The following OR4D2 variants were observed in gnomAD, a reference collection of about 807,000 sequenced individuals.
OR4D2 encodes olfactory receptor 4D2.
Under a neutral mutation model 12.4 loss-of-function variants are expected in OR4D2, and 9 were observed. The ratio of observed to expected loss-of-function variants is 0.73; its 90% CI spans 0.44 to 1.27. OR4D2 has a LOEUF of 1.27. Among genes scored for constraint, OR4D2 ranks in the 50% most tolerant of loss-of-function variants. The pLI, the probability that OR4D2 is intolerant of heterozygous loss-of-function variation, is 0.00. For synonymous variants in OR4D2, 151 were observed against 151.1 expected, an observed-to-expected ratio of 1.00 and a Z score of 0.01; for missense variants, 373 against 381.6, an observed-to-expected ratio of 0.98 and a Z score of 0.19.
chr17:58,167,311 TGGG>T (rs962593416), intron 1 of OR4D2, among the ~76,000 whole-genome samples: 1 of 151,952 alleles, frequency 6.6e-6, no homozygotes, highest in African/African-American at 2.4e-5. Context: ...ATGAGAGAAA[TGGG>T]GGGAGGAGTC....
In OR4D2 at chr17:58,169,489, A is replaced by C; in HGVS notation, c.-18-149A>C. 5 of 642,216 alleles carry C rather than the reference A, an allele frequency of 7.8e-6. No homozygotes were observed. In the South Asian group the frequency reaches 9.2e-5, roughly 12 times the overall value. 39.8% of individuals were successfully genotyped at this position (642,216 alleles called of 1,614,324 possible). A position where few individuals can be genotyped will look rare whatever the true frequency, so the allele number is the denominator to read the frequency against. ...TGTATATTCCAGCACCCACTTGTAA[A>C]CGATCCAGAGACAAGACAGCACCTA... On this transcript the variant is annotated intron_variant, in intron 1 of 1. Coordinates refer to ENST00000545221, the MANE Select transcript of OR4D2 (RefSeq NM_001004707.4).
rs994553667 is a variant in OR4D2, at chr17:58,170,950, T to G, written c.*371T>G. 1 of 316,702 alleles carries G rather than the reference T, an allele frequency of 3.2e-6. No homozygotes were observed. The allele number at this position is 316,702 out of a possible 1,614,324, so 19.6% of individuals were successfully genotyped here. A position where few individuals can be genotyped will look rare whatever the true frequency, so the allele number is the denominator to read the frequency against. ...TCCTTTTGGTGTGAGTCTGGGTTGT[T>G]GGGAACAGCACAGAATTTGGAGTCT... On this transcript the variant is annotated 3_prime_UTR_variant, in exon 2 of 2. Transcript: ENST00000545221.
chr17:58,167,079 C>T (rs1967900575), intron 1 of OR4D2, 26 bp downstream of exon 1: 1 of 152,244 alleles, frequency 6.6e-6, no homozygotes, highest in Non-Finnish European at 1.5e-5. Flanking sequence ...AGATTCTCGA[C>T]ATTGTCACAT....
In OR4D2 at chr17:58,170,149, C is replaced by A; in HGVS notation, c.494C>A (p.Pro165Gln). The A allele has an allele frequency of 9.3e-6, 15 of 1,614,222 alleles. No homozygotes were observed. Among genetic ancestry groups the A allele is most frequent in the Non-Finnish European group, 1.2e-5 (14 of 1,180,036 alleles). Residue 165 changes from proline to glutamine, a missense_variant, in exon 2 of 2, where the codon CCA becomes CAA. By Grantham distance (76) the Pro-to-Gln change is moderately conservative. Transcript: ENST00000545221. ...HSIVQLALMLPLPFCGPNILD... is the reference protein window; with the variant it reads ...HSIVQLALMLQLPFCGPNILD... The stretch of plus-strand genomic sequence containing the variant: ...ATTGTCCAGCTGGCTCTGATGCTCC[C>A]ACTGCCCTTCTGTGGCCCCAACATT...
In OR4D2 at chr17:58,170,851, C is replaced by A; in HGVS notation, c.*272C>A. 1 of 463,496 alleles carries A rather than the reference C, an allele frequency of 2.2e-6. No homozygotes were observed. The highest frequency in any genetic ancestry group is 3.9e-6 in the Non-Finnish European group (1 of 254,558). The allele number at this position is 463,496 out of a possible 1,614,324, so 28.7% of individuals were successfully genotyped here. ...CCTTCCTTTTCACCTTCTTGGTGGA[C>A]AGTTTCCTGTTGACAGCATTTCCCC... On this transcript the variant is annotated 3_prime_UTR_variant, in exon 2 of 2. Coordinates refer to ENST00000545221, the MANE Select transcript of OR4D2 (RefSeq NM_001004707.4).
In OR4D2 at chr17:58,170,997, TGACCCA is replaced by T; in HGVS notation, c.*419_*424del. The T allele has an allele frequency of 4.7e-6, 1 of 212,220 alleles. No individual in the cohort carries two copies. Among genetic ancestry groups the T allele is most frequent in the Non-Finnish European group, 9.5e-6 (1 of 105,008 alleles). The allele number at this position is 212,220 out of a possible 1,614,324, so 13.1% of individuals were successfully genotyped here. ...GTCTTAAGCTCTAAATTAGAGGCCCTGACCCATCATTGACCAAACTGATGACTTCGA... is the reference window on the plus strand; with the variant it reads ...GTCTTAAGCTCTAAATTAGAGGCCCTTCATTGACCAAACTGATGACTTCGA... On this transcript the variant is annotated 3_prime_UTR_variant, in exon 2 of 2. Transcript: ENST00000545221.
At chr17:58,169,349 G>T (rs1967929056) in intron 1 of OR4D2, 2 of 377,366 alleles carry the variant, frequency 5.3e-6, no homozygotes, top group South Asian at 6.9e-5. Flanking sequence ...ACAATGAAAT[G>T]AAAGACCTGA....
chr17:58,169,421 G>C, intron 1 of OR4D2: 1 of 566,374 alleles, frequency 1.8e-6, no homozygotes, highest in East Asian at 3.0e-5. Flanking sequence ...ATCTTTGAAA[G>C]GCAGGTTGTA....
Position 58,170,445 on chromosome 17 carries a change from C to G in OR4D2, c.790C>G (p.Pro264Ala). 1.2e-6 allele frequency: 2 copies of G among 1,614,234 alleles called. No homozygotes were observed. Among genetic ancestry groups the G allele is most frequent in the Non-Finnish European group, 1.7e-6 (2 of 1,180,050 alleles). The stretch of plus-strand genomic sequence containing the variant: ...TTACCTCTATGCCCGGCCCTTCACT[C>G]CATTCCCTATGGACAAGCTTGTGTC... Reference protein sequence around the residue: ...SIYLYARPFTPFPMDKLVSIG... With the variant: ...SIYLYARPFTAFPMDKLVSIG... The change falls in exon 2 of 2, where the codon CCA (proline) becomes GCA (alanine). Residue 264 changes from proline to alanine, a missense_variant. Coordinates refer to ENST00000545221, the MANE Select transcript of OR4D2 (RefSeq NM_001004707.4).
At chr17:58,168,054 G>A (rs1967911762) in intron 1 of OR4D2, among the ~76,000 whole-genome samples, 1 of 146,664 alleles carries the variant, frequency 6.8e-6, no homozygotes, top group East Asian at 2.0e-4. Flanking sequence ...TAAACTGAAG[G>A]AGCAGAATAA....
In OR4D2 at chr17:58,170,325, A is replaced by C. The variant is rs1256547624; in HGVS notation, c.670A>C (p.Met224Leu). ...GATGTCCTACTTATTCATCCTGGTG[A>C]TGCTGAGGTCACATCCAGGGGAGGC... is the stretch of plus-strand genomic sequence containing the variant. Reference protein sequence around the residue: ...LLMSYLFILVMLRSHPGEARR... With the variant: ...LLMSYLFILVLLRSHPGEARR... The change falls in exon 2 of 2, where the codon ATG (methionine) becomes CTG (leucine). Residue 224 changes from methionine (M) to leucine (L), a missense_variant. By Grantham distance (15) the Met-to-Leu change is conservative. Coordinates refer to ENST00000545221, the MANE Select transcript of OR4D2 (RefSeq NM_001004707.4). 6.2e-7 allele frequency: 1 copy of C among 1,614,108 alleles called. No homozygotes were observed. Among genetic ancestry groups the C allele is most frequent in the South Asian group, 1.1e-5 (1 of 91,080 alleles).
chr17:58,168,618 T>C (rs1298015129), intron 1 of OR4D2, among the ~76,000 whole-genome samples: 1 of 152,208 alleles, frequency 6.6e-6, no homozygotes, highest in Non-Finnish European at 1.5e-5. Flanking sequence ...TTCCTTTGTC[T>C]ATTTCTATTT....
rs1440498481 is a variant in OR4D2 at position 58,170,525 on chromosome 17, G to T, written c.870G>T (p.Arg290Ser). The T allele has an allele frequency of 1.3e-5, 21 of 1,614,056 alleles. No individual in the cohort carries two copies. Among genetic ancestry groups the T allele is most frequent in the Non-Finnish European group, 1.8e-5 (21 of 1,180,030 alleles). Residue 290 changes from arginine (R) to serine (S), a missense_variant, in exon 2 of 2, where the codon AGG (arginine) becomes AGT (serine). Physicochemically the swap from Arg to Ser is moderately radical, Grantham distance 110. Coordinates refer to ENST00000545221, the MANE Select transcript of OR4D2 (RefSeq NM_001004707.4). ...TCAACCCCATGATCTATACCCTGAGGAACCAGGACATGCAGGCAGCAGTGA... is the reference window on the plus strand; with the variant it reads ...TCAACCCCATGATCTATACCCTGAGTAACCAGGACATGCAGGCAGCAGTGA... ...PMLNPMIYTL[R>S]NQDMQAAVRR...
At position 58,170,383 on chromosome 17, in the gene OR4D2, A is replaced by T. The variant is rs376987503; in HGVS notation, c.728A>T (p.His243Leu). The T allele has an allele frequency of 5.6e-6, 9 of 1,614,044 alleles. No homozygotes were observed. The Admixed American group carries it at 6.7e-5, about 12-fold the overall frequency. The change falls in exon 2 of 2, where the codon CAC (histidine) becomes CTC (leucine). Residue 243 changes from histidine to leucine, a missense_variant. By Grantham distance (99) the His-to-Leu change is moderately conservative. Coordinates refer to ENST00000545221, the MANE Select transcript of OR4D2 (RefSeq NM_001004707.4). Reference protein sequence around the residue: ...RRKAASTCTTHIIVVSMIFVP... With the variant: ...RRKAASTCTTLIIVVSMIFVP... ...AAGGCAGCTTCCACCTGCACCACCCACATCATCGTGGTTTCCATGATCTTC... is the reference window on the plus strand; with the variant it reads ...AAGGCAGCTTCCACCTGCACCACCCTCATCATCGTGGTTTCCATGATCTTC...
rs779190416 is a variant in OR4D2 at position 58,169,688 on chromosome 17, C to A, written c.33C>A (p.Asp11Glu). 3.7e-6 allele frequency: 6 copies of A among 1,614,022 alleles called. No homozygotes were observed. The African/African-American group carries it at 8.0e-5, about 22-fold the overall frequency. METGNLTWVSDFVFLGLSQTR... is the reference protein window; with the variant it reads METGNLTWVSEFVFLGLSQTR... ...CAGGGAACCTCACGTGGGTATCAGA[C>A]TTTGTCTTCCTGGGGCTCTCGCAGA... The change falls in exon 2 of 2, where the codon GAC becomes GAA. Residue 11 changes from aspartate to glutamate, a missense_variant. Asp to Glu is a conservative substitution (Grantham distance 45). Transcript: ENST00000545221.
chr17:58,170,058 G>A lies in OR4D2; in HGVS notation c.403G>A (p.Val135Ile), dbSNP rs200607563. The A allele has an allele frequency of 1.7e-5, 28 of 1,614,000 alleles. No homozygotes were observed. Among genetic ancestry groups the A allele is most frequent in the Middle Eastern group, 1.6e-4 (1 of 6,062 alleles). Reference protein sequence around the residue: ...AISRPLRYVTVMNTQLWVGLV... With the variant: ...AISRPLRYVTIMNTQLWVGLV... ...CTCCCGGCCCCTCCGCTATGTCACC[G>A]TCATGAACACTCAGCTCTGGGTGGG... The change falls in exon 2 of 2, where the codon GTC becomes ATC. Residue 135 changes from valine (V) to isoleucine (I), a missense_variant. Coordinates refer to ENST00000545221, the MANE Select transcript of OR4D2 (RefSeq NM_001004707.4).
chr17:58,169,547 T>C, intron 1 of OR4D2, 91 bp from the exon 2 acceptor site: 1 of 809,312 alleles, frequency 1.2e-6, no homozygotes, highest in Non-Finnish European at 2.2e-6. Flanking sequence ...ATGCTCATCA[T>C]ATGGGCCTAA....
Position 58,170,881 on chromosome 17 carries a change from C to A in OR4D2, c.*302C>A. 1 of 390,304 alleles carries A rather than the reference C, an allele frequency of 2.6e-6. No homozygotes were observed. Among genetic ancestry groups the A allele is most frequent in the Non-Finnish European group, 4.7e-6 (1 of 210,674 alleles). The allele number at this position is 390,304 out of a possible 1,614,324, so 24.2% of individuals were successfully genotyped here. ...TCCTGTTGACAGCATTTCCCCTGTGCGAACATTTCTATTTTCCGTATTTTG... is the reference window on the plus strand; with the variant it reads ...TCCTGTTGACAGCATTTCCCCTGTGAGAACATTTCTATTTTCCGTATTTTG... On this transcript the variant is annotated 3_prime_UTR_variant, in exon 2 of 2. Transcript: ENST00000545221.
chr17:58,170,337 C>T lies in OR4D2; in HGVS notation c.682C>T (p.His228Tyr), dbSNP rs1967948225. The T allele has an allele frequency of 2.5e-6, 4 of 1,614,204 alleles. No homozygotes were observed. The highest frequency in any genetic ancestry group is 3.4e-6 in the Non-Finnish European group (4 of 1,179,996). ...ATTCATCCTGGTGATGCTGAGGTCA[C>T]ATCCAGGGGAGGCAAGAAGGAAGGC... is the stretch of plus-strand genomic sequence containing the variant. ...YLFILVMLRS[H>Y]PGEARRKAAS... Residue 228 changes from histidine (H) to tyrosine (Y), a missense_variant, in exon 2 of 2, where the codon CAT becomes TAT. His to Tyr is a moderately conservative substitution (Grantham distance 83). Coordinates refer to ENST00000545221, the MANE Select transcript of OR4D2 (RefSeq NM_001004707.4).
Sources: allele counts gnomAD v4.1 joint callset (sites outside exome capture counted in the v4.1 genomes callset), GRCh38; gene constraint gnomAD v4.1.1; transcripts MANE v1.5; gene names NCBI Gene and HGNC (gene_info 2026-07-23, HGNC 2026-07-21).